FAM98A: variants seen among roughly 807,000 people sequenced by gnomAD.
The protein encoded by FAM98A is protein FAM98A.
In FAM98A, 25 loss-of-function variants were observed where a neutral mutation model predicts 62.9. The ratio of observed to expected loss-of-function variants is 0.40; its 90% CI spans 0.29 to 0.56. The LOEUF is 0.56. Ranked by LOEUF, FAM98A falls within the 20% of genes least tolerant of loss-of-function variation. The probability of loss-of-function intolerance (pLI) is 0.51; values close to 1 mark genes in which losing one functional copy is unlikely to be tolerated. For synonymous variants in FAM98A, 252 were observed against 228.6 expected, an observed-to-expected ratio of 1.10 and a Z score of -0.92; for missense variants, 653 against 640.7, an observed-to-expected ratio of 1.02 and a Z score of -0.21.
chr2:33,595,399 C>T (rs377728039), intron 2 of FAM98A, 90 bp downstream of exon 2: 2 of 1,146,860 alleles, frequency 1.7e-6, no homozygotes, highest in Non-Finnish European at 2.4e-6. Context: ...CAAAAACTTG[C>T]AACTTTCAGC....
chr2:33,598,521 G>T (rs527430736), intron 1 of FAM98A, among the ~76,000 whole-genome samples: 37 of 152,316 alleles, frequency 2.4e-4, no homozygotes, highest in African/African-American at 7.7e-4. Flanking sequence ...CAGGTTCTTC[G>T]TGGGTGAAGA....
intron 5 of FAM98A, chr2:33,586,995 A>C (rs1054774885): frequency 1.3e-5 from 7 of 525,980 alleles, no homozygotes; most frequent in Admixed American, 3.4e-5. Flanking sequence ...CACCATACTT[A>C]ATTTCAGTTT....
intron 6 of FAM98A, 42 bp downstream of exon 6, chr2:33,586,520 T>C (rs1677558895): frequency 7.8e-7 from 1 of 1,281,238 alleles, no homozygotes; most frequent in Non-Finnish European, 1.1e-6. Context: ...TCAGGGATCA[T>C]GTCTATAAAT....
rs1216168398 is a variant in FAM98A at position 33,598,970 on chromosome 2, G to A, written c.53+199C>T. 2.6e-5 allele frequency among the ~76,000 whole-genome samples: 4 copies of A among 152,080 alleles called. No homozygotes were observed. In the East Asian group the frequency reaches 7.7e-4, roughly 29 times the overall value. ...GCAGGGAGCACTGGGCAGGCCTAGG[G>A]GTGTTGGGATTGGAGGACCCCGAGC... On this transcript the variant is annotated intron_variant, in intron 1 of 7. Coordinates refer to ENST00000238823, the MANE Select transcript of FAM98A (RefSeq NM_015475.5).
rs746506713 is a variant in FAM98A at position 33,585,644 on chromosome 2, G to A, written c.774C>T (p.Ser258=). ...GGGCAACAGAAATAGTAGTTTTAGG[G>A]GATAAGACTGAACGTTTCGGCTGGT... ...KVYQPKRSVL[S]PKTTISVAHL... is the part of the protein sequence containing the mutation. Residue 258 remains serine, a synonymous_variant, in exon 7 of 8, where the codon TCC becomes TCT. Coordinates refer to ENST00000238823, the MANE Select transcript of FAM98A (RefSeq NM_015475.5). 5.0e-5 allele frequency: 81 copies of A among 1,614,036 alleles called. No homozygotes were observed. Among genetic ancestry groups the A allele is most frequent in the Non-Finnish European group, 6.4e-5 (76 of 1,179,982 alleles).
chr2:33,591,581 C>G (rs550542917), intron 3 of FAM98A, among the ~76,000 whole-genome samples: 6 of 152,054 alleles, frequency 3.9e-5, no homozygotes, highest in Non-Finnish European at 8.8e-5. Flanking sequence ...ACAAACAAAA[C>G]CAAAATCCCC....
At chr2:33,594,917 G>A (rs1238986431) in intron 2 of FAM98A, among the ~76,000 whole-genome samples, 1 of 152,040 alleles carries the variant, frequency 6.6e-6, no homozygotes, top group African/African-American at 2.4e-5. Flanking sequence ...TTGCAGTGTC[G>A]ACAAACTAGT....
Position 33,595,731 on chromosome 2 carries a change from A to G in FAM98A, c.54-94T>C, listed in dbSNP as rs72867462. 0.011 allele frequency: 9,754 copies of G among 853,446 alleles called. 700 individuals carry two copies. In the African/African-American group the frequency reaches 0.15, roughly 14 times the overall value. The allele number at this position is 853,446 out of a possible 1,614,324, so 52.9% of individuals were successfully genotyped here. A position where few individuals can be genotyped will look rare whatever the true frequency, so the allele number is the denominator to read the frequency against. ...TCTATGTCTTATTTATATAAGCAATAATTTAATAAAGATAAGTTAGTACTT... is the reference window on the plus strand; with the variant it reads ...TCTATGTCTTATTTATATAAGCAATGATTTAATAAAGATAAGTTAGTACTT... On this transcript the variant is annotated intron_variant, in intron 1 of 7. Coordinates refer to ENST00000238823, the MANE Select transcript of FAM98A (RefSeq NM_015475.5).
intron 1 of FAM98A, among the ~76,000 whole-genome samples, chr2:33,598,956 T>C (rs527352645): frequency 1.3e-5 from 2 of 152,106 alleles, no homozygotes; most frequent in South Asian, 4.2e-4. Context: ...CAGGGAGCAC[T>C]GGGCAGGCCT....
intron 5 of FAM98A, 104 bp downstream of exon 5, chr2:33,587,136 G>A: frequency 4.1e-6 from 3 of 723,794 alleles, no homozygotes; most frequent in Non-Finnish European, 4.8e-6. Flanking sequence ...AGAAAACTAT[G>A]TATAAGAAAA....
In FAM98A at chr2:33,584,704, G is replaced by T. The variant is rs531405879; in HGVS notation, c.*72C>A. The T allele has an allele frequency of 7.6e-7, 1 of 1,323,628 alleles. No individual in the cohort carries two copies. Among genetic ancestry groups the T allele is most frequent in the East Asian group, 2.3e-5 (1 of 43,012 alleles). 82.0% of individuals were successfully genotyped at this position (1,323,628 alleles called of 1,614,324 possible). ...TGTGGTCTCACATTAATTCAAAATA[G>T]GTGCTGAATTCAGGATTCTGAAACT... is the stretch of plus-strand genomic sequence containing the variant. On this transcript the variant is annotated 3_prime_UTR_variant, in exon 8 of 8. Coordinates refer to ENST00000238823, the MANE Select transcript of FAM98A (RefSeq NM_015475.5).
intron 3 of FAM98A, among the ~76,000 whole-genome samples, chr2:33,590,843 A>C (rs1017100320): frequency 6.6e-6 from 1 of 152,088 alleles, no homozygotes; most frequent in East Asian, 1.9e-4. Flanking sequence ...AAAAGGCCAA[A>C]CTCTGAGCTC....
Position 33,585,672 on chromosome 2 carries a change from A to C in FAM98A, c.746T>G (p.Val249Gly). Residue 249 changes from valine (V) to glycine (G), a missense_variant, in exon 7 of 8, where the codon GTT becomes GGT. Transcript: ENST00000238823. The part of the protein sequence containing the change: ...AKSQTEKLAK[V>G]YQPKRSVLSP... ...TAAGACTGAACGTTTCGGCTGGTAA[A>C]CCTTGGCTAATTTTTCTGTCTGGCT... The C allele has an allele frequency of 6.2e-7, 1 of 1,613,576 alleles. No individual in the cohort carries two copies. The highest frequency in any genetic ancestry group is 8.5e-7 in the Non-Finnish European group (1 of 1,179,816).
chr2:33,596,480 TATAAG>T, intron 1 of FAM98A, among the ~76,000 whole-genome samples: 1 of 152,320 alleles, frequency 6.6e-6, no homozygotes, highest in Non-Finnish European at 1.5e-5. Context: ...TATTCTAAAA[TATAAG>T]ATTTCTGTCA....
chr2:33,595,465 AC>A, intron 2 of FAM98A, 23 bp downstream of exon 2: 1 of 1,588,016 alleles, frequency 6.3e-7, no homozygotes, highest in Non-Finnish European at 8.6e-7. Flanking sequence ...TATACTTTGT[AC>A]CTAAAAGTGA....
intron 2 of FAM98A, among the ~76,000 whole-genome samples, chr2:33,593,925 GT>G (rs1422394400): frequency 2.0e-5 from 3 of 152,146 alleles, no homozygotes; most frequent in Non-Finnish European, 2.9e-5. Context: ...GTTTTCAAAG[GT>G]TCCTACAGTC....
chr2:33,585,030 T>C lies in FAM98A; in HGVS notation c.1303A>G (p.Ser435Gly). ...TGGTAGCCACCACCCTGGTATCCAC[T>C]TCCTGTATATGAAGAAGATGTTTGG... ...GFQTSSSYTG[S>G]GYQGGGYQQD... Residue 435 changes from serine to glycine, a missense_variant, in exon 8 of 8, where the codon AGT (serine) becomes GGT (glycine). Ser to Gly is a moderately conservative substitution (Grantham distance 56). Transcript: ENST00000238823. 2 of 1,614,050 alleles carry C rather than the reference T, an allele frequency of 1.2e-6. No individual in the cohort carries two copies. The highest frequency in any genetic ancestry group is 8.5e-7 in the Non-Finnish European group (1 of 1,180,004).
intron 5 of FAM98A, chr2:33,586,947 T>C (rs949900105): frequency 3.8e-5 from 20 of 520,194 alleles, no homozygotes; most frequent in Middle Eastern, 1.0e-3. Context: ...AGTGAAGTTT[T>C]TGGCTTGAAG....
chr2:33,594,652 C>CACACATATATAT (rs1205670272), intron 2 of FAM98A, among the ~76,000 whole-genome samples: 1 of 86,576 alleles, frequency 1.2e-5, no homozygotes, highest in Admixed American at 1.1e-4. Flanking sequence ...TATATATATA[C>CACACATATATAT]ACACATATAT....
Sources: gnomAD v4.1 joint callset for allele counts (sites outside exome capture counted in the v4.1 genomes callset) on GRCh38, gnomAD v4.1.1 for gene constraint, MANE v1.5 for transcripts, NCBI Gene and HGNC (gene_info 2026-07-23, HGNC 2026-07-21) for gene names.